CNBD1: variants seen among roughly 807,000 people sequenced by gnomAD.
CNBD1 encodes cyclic nucleotide-binding domain-containing protein 1.
CNBD1 carries 71 observed loss-of-function variants against 54.4 expected under a neutral mutation model. That is an observed-to-expected ratio of 1.30 (90% CI 1.08 to 1.59). CNBD1 has a LOEUF of 1.59. Among genes scored for constraint, CNBD1 ranks in the 40% most tolerant of loss-of-function variants. The pLI, the probability that CNBD1 is intolerant of heterozygous loss-of-function variation, is 0.00. For missense variants in CNBD1, 659 were observed against 518.0 expected (o/e 1.27, Z -2.64); for synonymous variants, 182 against 170.7 (o/e 1.07, Z -0.51).
intron 10 of CNBD1, among the ~76,000 whole-genome samples, chr8:87,378,787 C>T (rs1690777766): frequency 6.6e-6 from 1 of 151,058 alleles, no homozygotes; most frequent in African/African-American, 2.5e-5. Context: ...TACCCATGAG[C>T]ATGGAATGTT....
At chr8:87,240,979 A>C (rs891205799) in intron 6 of CNBD1, among the ~76,000 whole-genome samples, 3 of 152,050 alleles carry the variant, frequency 2.0e-5, no homozygotes, top group African/African-American at 7.2e-5. Flanking sequence ...GGGTCCCCCC[A>C]GTTGATGGGC....
In CNBD1 at chr8:87,118,036, C is replaced by A. The variant is rs569863333; in HGVS notation, c.432-87957C>A. ...TAATTTAAAAAATAGAGCAGTATGG[C>A]TGGGCACGGTGCCTCACACCTGTAA... is the stretch of plus-strand genomic sequence containing the variant. On this transcript the variant is annotated intron_variant, in intron 4 of 10. Transcript: ENST00000518476. Among the ~76,000 whole-genome samples, 13 of 152,182 alleles carry A rather than the reference C, an allele frequency of 8.5e-5. No homozygotes were observed. The East Asian group carries it at 1.9e-3, about 23-fold the overall frequency.
chr8:87,199,131 C>T (rs912212087), intron 4 of CNBD1, among the ~76,000 whole-genome samples: 1 of 152,186 alleles, frequency 6.6e-6, no homozygotes, highest in Admixed American at 6.5e-5. Context: ...CTCCCAGGAT[C>T]CAAACACCTC....
At chr8:87,028,120 CTCAG>C (rs1358507409) in intron 4 of CNBD1, among the ~76,000 whole-genome samples, 2 of 152,186 alleles carry the variant, frequency 1.3e-5, no homozygotes, top group African/African-American at 2.4e-5. Flanking sequence ...GCATTCCTCT[CTCAG>C]TCAGTTAGGC....
In CNBD1 at chr8:87,153,600, G is replaced by A. The variant is rs776337934; in HGVS notation, c.432-52393G>A. On this transcript the variant is annotated intron_variant, in intron 4 of 10. Transcript: ENST00000518476. ...GGGACGTTGATTTAATAAATGTCAC[G>A]AAATTTCAAATAGACCAATACTTAA... is the stretch of plus-strand genomic sequence containing the variant. 2.6e-5 allele frequency among the ~76,000 whole-genome samples: 4 copies of A among 152,206 alleles called. No individual in the cohort carries two copies. The East Asian group carries it at 5.8e-4, about 22-fold the overall frequency.
intron 1 of CNBD1, among the ~76,000 whole-genome samples, chr8:86,873,446 CAT>C (rs1451710281): frequency 2.0e-4 from 30 of 151,694 alleles, no homozygotes; most frequent in Non-Finnish European, 2.9e-5. Context: ...GGAGAATTGA[CAT>C]ATTTATAATA....
At chr8:87,071,074 G>T (rs865875028) in intron 4 of CNBD1, among the ~76,000 whole-genome samples, 2 of 151,922 alleles carry the variant, frequency 1.3e-5, no homozygotes, top group Non-Finnish European at 1.5e-5. Flanking sequence ...TTTAAAAAAG[G>T]CAAAGAACTT....
chr8:87,392,941 C>G (rs945157372), intron 2 of CNBD1, among the ~76,000 whole-genome samples: 5 of 151,776 alleles, frequency 3.3e-5, no homozygotes, highest in African/African-American at 1.2e-4. Flanking sequence ...ACATGGCTAG[C>G]ATTTAACTAG....
intron 8 of CNBD1, among the ~76,000 whole-genome samples, chr8:87,326,392 A>T (rs2130905120): frequency 7.9e-6 from 1 of 126,304 alleles, no homozygotes; most frequent in East Asian, 2.0e-4. Flanking sequence ...AATATCCTGT[A>T]GAGTGTTTTC....
chr8:87,425,982 C>T (rs977763879), intron 2 of CNBD1, among the ~76,000 whole-genome samples: 18 of 152,182 alleles, frequency 1.2e-4, no homozygotes, highest in Non-Finnish European at 1.0e-4. Flanking sequence ...CTCAGTGGGG[C>T]AGGACCCTCT....
At chr8:87,337,901 C>G (rs571632266) in intron 8 of CNBD1, among the ~76,000 whole-genome samples, 1 of 152,296 alleles carries the variant, frequency 6.6e-6, no homozygotes, top group South Asian at 2.1e-4. Flanking sequence ...GCTGCTGCTT[C>G]TAGTCAGCCA....
Position 87,341,785 on chromosome 8 carries a change from C to G in CNBD1, c.1043-9900C>G, listed in dbSNP as rs77611246. On this transcript the variant is annotated intron_variant, in intron 8 of 10. Coordinates refer to ENST00000518476, the MANE Select transcript of CNBD1 (RefSeq NM_173538.3). ...GTAGAGAGCAAAACCTTACCAGACACCAAACTTTCTGGTGCTTTGATATTG... is the reference window on the plus strand; with the variant it reads ...GTAGAGAGCAAAACCTTACCAGACAGCAAACTTTCTGGTGCTTTGATATTG... Among the ~76,000 whole-genome samples the G allele has an allele frequency of 9.7e-3, 1,473 of 152,332 alleles. 21 individuals carry two copies. The highest frequency in any genetic ancestry group is 0.032 in the African/African-American group (1,351 of 41,576).
chr8:87,130,545 G>A (rs1812096459), intron 4 of CNBD1, among the ~76,000 whole-genome samples: 1 of 152,086 alleles, frequency 6.6e-6, no homozygotes, highest in African/African-American at 2.4e-5. Flanking sequence ...GGGAGGCCAA[G>A]ATAGGTGAAT....
chr8:87,237,670 G>A (rs1807610480), intron 6 of CNBD1, among the ~76,000 whole-genome samples: 2 of 152,084 alleles, frequency 1.3e-5, no homozygotes, highest in African/African-American at 4.8e-5. Context: ...ATGGGATAGA[G>A]GTCTGAATTG....
chr8:87,030,313 G>A (rs986012847), intron 4 of CNBD1, among the ~76,000 whole-genome samples: 43 of 152,168 alleles, frequency 2.8e-4, no homozygotes, highest in Non-Finnish European at 7.3e-5. Context: ...AAATTATGAT[G>A]TAATGGTATT....
chr8:86,984,310 G>T (rs1322937690), intron 4 of CNBD1, among the ~76,000 whole-genome samples: 2 of 152,140 alleles, frequency 1.3e-5, no homozygotes, highest in African/African-American at 4.8e-5. Context: ...GCAGAAGTTT[G>T]CCACAGGGGT....
intron 10 of CNBD1, among the ~76,000 whole-genome samples, chr8:87,381,637 A>T (rs573644781): frequency 6.6e-6 from 1 of 152,176 alleles, no homozygotes; most frequent in South Asian, 2.1e-4. Context: ...CAGATAAATG[A>T]ATTAAAAATA....
intron 5 of CNBD1, among the ~76,000 whole-genome samples, chr8:87,209,070 A>C (rs114306357): frequency 6.6e-6 from 1 of 152,062 alleles, no homozygotes; most frequent in East Asian, 1.9e-4. Flanking sequence ...TATTCTTATA[A>C]TAGAAGAAAT....
intron 3 of CNBD1, among the ~76,000 whole-genome samples, chr8:86,906,803 A>C (rs1390163324): frequency 6.6e-6 from 1 of 152,232 alleles, no homozygotes; most frequent in Non-Finnish European, 1.5e-5. Context: ...GGCTGTCAAC[A>C]TACTTGGTAA....
Sources: gnomAD v4.1 joint callset for allele counts (sites outside exome capture counted in the v4.1 genomes callset) on GRCh38, gnomAD v4.1.1 for gene constraint, MANE v1.5 for transcripts, NCBI Gene and HGNC (gene_info 2026-07-23, HGNC 2026-07-21) for gene names.